The following IMMP2L variants were observed in gnomAD, a reference collection of about 807,000 sequenced individuals.
IMMP2L encodes the protein mitochondrial inner membrane protease subunit 2.
In IMMP2L, 18 loss-of-function variants were observed where a neutral mutation model predicts 19.3. That is an observed-to-expected ratio of 0.93 (90% confidence interval 0.64 to 1.38). The LOEUF is 1.38. Among genes scored for constraint, IMMP2L ranks in the 40% most tolerant of loss-of-function variants. The pLI is 0.00. For synonymous variants in IMMP2L, 76 were observed against 73.0 expected (o/e 1.04, Z -0.21); for missense variants, 233 against 218.2 (o/e 1.07, Z -0.43).
intron 3 of IMMP2L, among the ~76,000 whole-genome samples, chr7:111,105,752 G>C (rs904424375): frequency 2.0e-5 from 3 of 151,574 alleles, no homozygotes; most frequent in Admixed American, 6.6e-5. Context: ...TTATGCAAAA[G>C]GTGAAAAGAA....
At chr7:111,281,439 A>C (rs909914248) in intron 3 of IMMP2L, among the ~76,000 whole-genome samples, 2 of 152,200 alleles carry the variant, frequency 1.3e-5, no homozygotes, top group African/African-American at 4.8e-5. Context: ...AAACTGTCAC[A>C]AACCTCACAG....
At chr7:110,866,436 G>C (rs539355259) in intron 5 of IMMP2L, among the ~76,000 whole-genome samples, 27 of 151,544 alleles carry the variant, frequency 1.8e-4, no homozygotes, top group Admixed American at 5.9e-4. Flanking sequence ...GAGAGGACAG[G>C]GTATTCCAGG....
intron 5 of IMMP2L, among the ~76,000 whole-genome samples, chr7:110,722,512 T>C (rs115729308): frequency 0.017 from 2,585 of 152,240 alleles, 42 homozygotes; most frequent in South Asian, 0.048. Context: ...AATATTACTA[T>C]GAATATTATT....
chr7:111,398,627 C>A (rs1397696270), intron 3 of IMMP2L, among the ~76,000 whole-genome samples: 1 of 151,972 alleles, frequency 6.6e-6, no homozygotes, highest in African/African-American at 2.4e-5. Flanking sequence ...CTAGACAGAG[C>A]AAACAGACAA....
chr7:111,493,493 G>C (rs762605498), intron 2 of IMMP2L, among the ~76,000 whole-genome samples: 5 of 151,862 alleles, frequency 3.3e-5, no homozygotes, highest in Non-Finnish European at 5.9e-5. Flanking sequence ...ACGAGGTCAG[G>C]AGATCGAGAC....
chr7:111,361,422 C>A (rs182761159), intron 3 of IMMP2L, among the ~76,000 whole-genome samples: 2 of 152,042 alleles, frequency 1.3e-5, no homozygotes, highest in African/African-American at 4.8e-5. Context: ...CTTACTAATT[C>A]AATTATCTGG....
chr7:110,739,539 T>TACTG (rs1390361301), intron 5 of IMMP2L, among the ~76,000 whole-genome samples: 1 of 152,142 alleles, frequency 6.6e-6, no homozygotes, highest in Non-Finnish European at 1.5e-5. Context: ...ATGCACCTAA[T>TACTG]ACTGGAGCTC....
chr7:111,391,018 T>C (rs1178822819), intron 3 of IMMP2L, among the ~76,000 whole-genome samples: 1 of 152,132 alleles, frequency 6.6e-6, no homozygotes, highest in Non-Finnish European at 1.5e-5. Context: ...CCTTACAAAT[T>C]TGAGAATTCT....
intron 3 of IMMP2L, among the ~76,000 whole-genome samples, chr7:111,175,643 C>T (rs545765273): frequency 1.3e-5 from 2 of 151,734 alleles, no homozygotes; most frequent in Non-Finnish European, 2.9e-5. Context: ...GGATTAAAGA[C>T]TTAAATCTAA....
At chr7:111,193,446 G>T (rs930232698) in intron 3 of IMMP2L, among the ~76,000 whole-genome samples, 4 of 152,102 alleles carry the variant, frequency 2.6e-5, no homozygotes, top group Non-Finnish European at 5.9e-5. Flanking sequence ...GTGTGGTAAT[G>T]ATTTAAAAAG....
In IMMP2L at chr7:110,792,338, AT is replaced by A. The variant is rs201900511; in HGVS notation, c.408+94254del. ...GGCATACAGGTACTGAGTTGATACC[AT>A]TTTTTTCCCTTCTCTAAGTCTTATT... On this transcript the variant is annotated intron_variant, in intron 5 of 5. Transcript: ENST00000405709. Among the ~76,000 whole-genome samples, 194 of 151,108 alleles carry A rather than the reference AT, an allele frequency of 1.3e-3. No individual in the cohort carries two copies. The East Asian group carries it at 0.029, about 22-fold the overall frequency.
At chr7:111,065,937 C>T (rs949017234) in intron 3 of IMMP2L, among the ~76,000 whole-genome samples, 11 of 151,338 alleles carry the variant, frequency 7.3e-5, no homozygotes, top group African/African-American at 1.9e-4. Context: ...TGCGCGCGCA[C>T]GCTTGGTTGG....
intron 3 of IMMP2L, among the ~76,000 whole-genome samples, chr7:111,067,638 G>C (rs12705755): frequency 0.77 from 116,366 of 151,858 alleles, 47,543 homozygotes; most frequent in Non-Finnish European, 0.9. Flanking sequence ...TTTTACTGTT[G>C]GCAAGGTCAC....
intron 5 of IMMP2L, among the ~76,000 whole-genome samples, chr7:110,676,978 G>A (rs567931490): frequency 1.1e-4 from 17 of 152,248 alleles, no homozygotes; most frequent in Admixed American, 4.6e-4. Context: ...GTGACGTCAC[G>A]CATTCAACAT....
chr7:111,215,245 T>C (rs1811810577), intron 3 of IMMP2L, among the ~76,000 whole-genome samples: 1 of 152,178 alleles, frequency 6.6e-6, no homozygotes, highest in Admixed American at 6.5e-5. Flanking sequence ...AGCCATTCTA[T>C]TCATTGGTGA....
chr7:111,122,765 A>C (rs1038694086), intron 3 of IMMP2L: 4 of 1,604,692 alleles, frequency 2.5e-6, no homozygotes, highest in Non-Finnish European at 3.4e-6. Context: ...CTGAAGAAGA[A>C]AGCTAAGATG....
chr7:110,816,028 T>A (rs534973459), intron 5 of IMMP2L, among the ~76,000 whole-genome samples: 110 of 152,298 alleles, frequency 7.2e-4, no homozygotes, highest in African/African-American at 2.5e-3. Flanking sequence ...TGTTTGCTCT[T>A]GCTTTTCCAG....
intron 3 of IMMP2L, among the ~76,000 whole-genome samples, chr7:111,163,782 C>T (rs540588318): frequency 3.9e-5 from 6 of 152,128 alleles, no homozygotes; most frequent in East Asian, 1.9e-4. Context: ...TTAGGGAATT[C>T]GGTCTATAAT....
At chr7:111,528,083 C>T (rs1299294181) in intron 1 of IMMP2L, among the ~76,000 whole-genome samples, 1 of 152,084 alleles carries the variant, frequency 6.6e-6, no homozygotes, top group East Asian at 1.9e-4. Context: ...AAGAAATGAA[C>T]ACAACATTTC....
Sources: gnomAD v4.1 joint callset for allele counts (sites outside exome capture counted in the v4.1 genomes callset) on GRCh38, gnomAD v4.1.1 for gene constraint, MANE v1.5 for transcripts, NCBI Gene and HGNC (gene_info 2026-07-23, HGNC 2026-07-21) for gene names.